MIIP: variants seen among roughly 807,000 people sequenced by gnomAD.
MIIP encodes the protein migration and invasion-inhibitory protein.
Under a neutral mutation model 44.8 loss-of-function variants are expected in MIIP, and 44 were observed. The observed-to-expected ratio is 0.98, with a 90% CI of 0.77 to 1.26. MIIP has a LOEUF of 1.26. Among genes scored for constraint, MIIP ranks in the 50% most tolerant of loss-of-function variants. The pLI is 0.00. For synonymous variants in MIIP, 225 were observed against 218.3 expected, an observed-to-expected ratio of 1.03 and a Z score of -0.27; for missense variants, 496 against 511.7, an observed-to-expected ratio of 0.97 and a Z score of 0.30.
In MIIP at chr1:12,027,977, C is replaced by T. The variant is rs892521509; in HGVS notation, c.548-1056C>T. On this transcript the variant is annotated intron_variant, in intron 4 of 9. Coordinates refer to ENST00000235332, the MANE Select transcript of MIIP (RefSeq NM_021933.4). Reference sequence around the variant, plus strand: ...CTGTAATCCCAGCACTTTGGGAGGCCGAGGCAGGTGGATCAGGCCAGGAGT... The same window carrying T: ...CTGTAATCCCAGCACTTTGGGAGGCTGAGGCAGGTGGATCAGGCCAGGAGT... Among the ~76,000 whole-genome samples the T allele has an allele frequency of 3.9e-5, 6 of 152,062 alleles. No individual in the cohort carries two copies. In the East Asian group the frequency reaches 5.8e-4, roughly 15 times the overall value.
Position 12,029,329 on chromosome 1 carries a change from T to C in MIIP, c.715+48T>C, listed in dbSNP as rs1033919643. 6.4e-6 allele frequency: 10 copies of C among 1,570,312 alleles called. No homozygotes were observed. In the African/African-American group the frequency reaches 1.4e-4, roughly 21 times the overall value. ...GCCGCTGAGTAGTCCAGCCTCGCGC[T>C]GCCCTGGCCTCCCCTGCCCCAGAGC... On this transcript the variant is annotated intron_variant, in intron 6 of 9. Coordinates refer to ENST00000235332, the MANE Select transcript of MIIP (RefSeq NM_021933.4).
intron 8 of MIIP, chr1:12,031,013 C>G (rs1456062868): frequency 6.1e-6 from 3 of 490,202 alleles, no homozygotes; most frequent in Non-Finnish European, 1.1e-5. Context: ...GAGCCTACAG[C>G]AGGAAGTACC....
chr1:12,029,605 C>T, intron 6 of MIIP, 160 bp from the exon 7 acceptor site: 1 of 1,046,848 alleles, frequency 9.6e-7, no homozygotes, highest in Non-Finnish European at 1.4e-6. Flanking sequence ...AGGGCGTGGG[C>T]CCCAGGTTCT....
intron 4 of MIIP, chr1:12,023,976 AGAGT>A (rs1197181297): frequency 6.6e-6 from 1 of 152,250 alleles, no homozygotes; most frequent in Non-Finnish European, 1.5e-5. Flanking sequence ...CCTGGGTGAC[AGAGT>A]GAGACTCCGT....
intron 4 of MIIP, among the ~76,000 whole-genome samples, chr1:12,026,945 C>T (rs1394183829): frequency 1.3e-5 from 2 of 152,046 alleles, no homozygotes; most frequent in East Asian, 3.9e-4. Context: ...ACTTCCTCTT[C>T]AAAAGGGCTG....
chr1:12,021,013 T>C (rs1461842002), intron 1 of MIIP, among the ~76,000 whole-genome samples: 1 of 151,974 alleles, frequency 6.6e-6, no homozygotes, highest in Non-Finnish European at 1.5e-5. Flanking sequence ...GATGCAACCA[T>C]GGCTCACTGC....
chr1:12,030,817 T>C (rs1266922500), intron 8 of MIIP, among the ~76,000 whole-genome samples: 1 of 150,194 alleles, frequency 6.7e-6, no homozygotes, highest in African/African-American at 2.4e-5. Flanking sequence ...CAGGTCGGGA[T>C]GGGGTGCCAG....
chr1:12,022,981 TC>T, intron 4 of MIIP, 64 bp downstream of exon 4: 1 of 1,324,042 alleles, frequency 7.6e-7, no homozygotes, highest in Non-Finnish European at 1.1e-6. Flanking sequence ...CCTGGGATCC[TC>T]CATGCTCCTG....
chr1:12,031,217 C>T (rs138641536), intron 8 of MIIP, 49 bp from the exon 9 acceptor site: 38 of 1,579,942 alleles, frequency 2.4e-5, no homozygotes, highest in African/African-American at 1.2e-4. Flanking sequence ...GCCCAGTCAG[C>T]GGGGAGCTTG....
chr1:12,022,046 G>T (rs779776893), intron 2 of MIIP, 49 bp from the exon 3 acceptor site: 10 of 1,577,432 alleles, frequency 6.3e-6, no homozygotes, highest in Non-Finnish European at 8.6e-6. Flanking sequence ...TAGGCCCGGT[G>T]GGTAGGTTCT....
In MIIP at chr1:12,029,298, G is replaced by C. The variant is rs535400573; in HGVS notation, c.715+17G>C. 1 of 1,610,508 alleles carries C rather than the reference G, an allele frequency of 6.2e-7. No homozygotes were observed. Reference sequence around the variant, plus strand: ...ACCATGAATGTGAGTGCGGGCCCTCGGCTAGGCCGCTGAGTAGTCCAGCCT... The same window carrying C: ...ACCATGAATGTGAGTGCGGGCCCTCCGCTAGGCCGCTGAGTAGTCCAGCCT... On this transcript the variant is annotated intron_variant, in intron 6 of 9. Coordinates refer to ENST00000235332, the MANE Select transcript of MIIP (RefSeq NM_021933.4).
chr1:12,031,685 A>G (rs766314728), intron 9 of MIIP, 37 bp from the exon 10 acceptor site: 2 of 1,613,742 alleles, frequency 1.2e-6, no homozygotes. Context: ...TGTCCCTTTC[A>G]AGTGGCCCCC....
In MIIP at chr1:12,031,374, C is replaced by T. The variant is rs778470722; in HGVS notation, c.1051C>T (p.Leu351=). The change falls in exon 9 of 10, where the codon CTG becomes TTG. Residue 351 remains leucine, a synonymous_variant. Transcript: ENST00000235332. ...SVSAEAQHQK[L]SGTSSPFHPA... ...CTCCGCTGAGGCCCAGCACCAGAAG[C>T]TGTCCGGCACCAGCAGCCCTTTTCA... 2 of 1,613,874 alleles carry T rather than the reference C, an allele frequency of 1.2e-6. No homozygotes were observed. Among genetic ancestry groups the T allele is most frequent in the South Asian group, 1.1e-5 (1 of 91,080 alleles).
chr1:12,029,090 T>C lies in MIIP; in HGVS notation c.605T>C (p.Leu202Pro), dbSNP rs1640167085. The C allele has an allele frequency of 1.2e-6, 2 of 1,614,024 alleles. No homozygotes were observed. Among genetic ancestry groups the C allele is most frequent in the Non-Finnish European group, 1.7e-6 (2 of 1,180,006 alleles). Residue 202 changes from leucine to proline, a missense_variant, in exon 5 of 10, where the codon CTG (leucine) becomes CCG (proline). By Grantham distance (98) the Leu-to-Pro change is moderately conservative. Transcript: ENST00000235332. ...TSQPEAFFSK[L>P]QEFRETNKEE... is the part of the protein sequence containing the mutation. Reference sequence around the variant, plus strand: ...CAGCCTGAGGCCTTCTTCTCCAAGCTGCAGGAGTTTCGGGAAACCAACAAG... The same window carrying C: ...CAGCCTGAGGCCTTCTTCTCCAAGCCGCAGGAGTTTCGGGAAACCAACAAG...
chr1:12,030,009 C>T lies in MIIP; in HGVS notation c.846-19C>T, dbSNP rs1239076716. 12 of 1,610,990 alleles carry T rather than the reference C, an allele frequency of 7.4e-6. No individual in the cohort carries two copies. Among genetic ancestry groups the T allele is most frequent in the Admixed American group, 1.7e-5 (1 of 59,990 alleles). On this transcript the variant is annotated intron_variant, in intron 7 of 9. Coordinates refer to ENST00000235332, the MANE Select transcript of MIIP (RefSeq NM_021933.4). ...CGCTGGGAGGCTCCTCAGGGGTCCC[C>T]CACTGCCCCCCTGCGCAGGGTGAGC...
rs201079105 is a variant in MIIP at position 12,022,476 on chromosome 1, A to G, written c.462+34A>G. On this transcript the variant is annotated intron_variant, in intron 3 of 9. Coordinates refer to ENST00000235332, the MANE Select transcript of MIIP (RefSeq NM_021933.4). ...GGAGAGCGGGACATCTGCTGATGGG[A>G]GGAGCTTCCTTGGGCCTCAGTTTCC... 786 of 1,456,894 alleles carry G rather than the reference A, an allele frequency of 5.4e-4. 1 individual carries two copies. The highest frequency in any genetic ancestry group is 6.8e-4 in the Non-Finnish European group (749 of 1,095,436). 90.2% of individuals were successfully genotyped at this position (1,456,894 alleles called of 1,614,324 possible).
At position 12,029,228 on chromosome 1, in the gene MIIP, A is replaced by G; in HGVS notation, c.662A>G (p.Gln221Arg). 6.2e-7 allele frequency: 1 copy of G among 1,613,596 alleles called. No homozygotes were observed. The highest frequency in any genetic ancestry group is 8.5e-7 in the Non-Finnish European group (1 of 1,179,850). The change falls in exon 6 of 10, where the codon CAG becomes CGG. Residue 221 changes from glutamine to arginine, a missense_variant. Gln to Arg is a conservative substitution (Grantham distance 43). Transcript: ENST00000235332. ...CATCCCCCTCGCCCTCTCAGACCCCAGTTGCCAGGCCTGCGTGAGAGCAGT... is the reference window on the plus strand; with the variant it reads ...CATCCCCCTCGCCCTCTCAGACCCCGGTTGCCAGGCCTGCGTGAGAGCAGT... ...EECICSHPEP[Q>R]LPGLRESSGS...
chr1:12,022,597 C>CT (rs942326160), intron 3 of MIIP, among the ~76,000 whole-genome samples, 155 bp downstream of exon 3: 4 of 152,112 alleles, frequency 2.6e-5, no homozygotes, highest in Non-Finnish European at 5.9e-5. Context: ...TAAATGCTCG[C>CT]TAGGTGGTAG....
chr1:12,023,354 GC>G (rs1468127799), intron 4 of MIIP, among the ~76,000 whole-genome samples: 1 of 150,018 alleles, frequency 6.7e-6, no homozygotes, highest in Non-Finnish European at 1.5e-5. Context: ...GTGAGCCACC[GC>G]CCCCCACAGC....
Sources: gnomAD v4.1 joint callset for allele counts (sites outside exome capture counted in the v4.1 genomes callset) on GRCh38, gnomAD v4.1.1 for gene constraint, MANE v1.5 for transcripts, NCBI Gene and HGNC (gene_info 2026-07-23, HGNC 2026-07-21) for gene names.